The following LRRC4C variants were observed in gnomAD, a reference collection of about 807,000 sequenced individuals.
LRRC4C encodes the protein leucine-rich repeat-containing protein 4C.
LRRC4C carries 5 observed loss-of-function variants against 33.6 expected under a neutral mutation model. The ratio of observed to expected loss-of-function variants is 0.15; its 90% CI spans 0.08 to 0.31. LRRC4C has a LOEUF of 0.31. Among genes scored for constraint, LRRC4C ranks in the 10% least tolerant of loss-of-function variants. LRRC4C has a pLI of 1.00. For synonymous variants in LRRC4C, 329 were observed against 302.0 expected, an observed-to-expected ratio of 1.09 and a Z score of -0.93; for missense variants, 560 against 796.7, an observed-to-expected ratio of 0.70 and a Z score of 3.58.
intron 3 of LRRC4C, among the ~76,000 whole-genome samples, chr11:40,420,011 C>T (rs147787168): frequency 2.3e-4 from 35 of 152,250 alleles, no homozygotes; most frequent in Non-Finnish European, 4.0e-4. Flanking sequence ...AGAAAACCTT[C>T]AAAAGGTGTA....
intron 1 of LRRC4C, among the ~76,000 whole-genome samples, chr11:40,996,594 C>T (rs1392624578): frequency 2.0e-5 from 3 of 152,028 alleles, no homozygotes; most frequent in Non-Finnish European, 4.4e-5. Flanking sequence ...TTTTATGTTG[C>T]TATAAAGAAA....
intron 1 of LRRC4C, among the ~76,000 whole-genome samples, chr11:41,330,846 G>GTA (rs1951272313): frequency 6.6e-6 from 1 of 151,828 alleles, no homozygotes; most frequent in African/African-American, 2.4e-5. Context: ...TATCTTACAA[G>GTA]TATATATATA....
chr11:40,586,865 T>A (rs1162653393), intron 3 of LRRC4C, among the ~76,000 whole-genome samples: 1 of 152,188 alleles, frequency 6.6e-6, no homozygotes, highest in African/African-American at 2.4e-5. Context: ...CCATGCTGTT[T>A]TGGTTACTGT....
intron 1 of LRRC4C, among the ~76,000 whole-genome samples, chr11:41,040,072 A>G (rs977517924): frequency 6.7e-6 from 1 of 148,532 alleles, no homozygotes; most frequent in East Asian, 2.0e-4. Context: ...CAGGAGGCAG[A>G]GCTTGCAGTG....
At chr11:41,207,529 T>A (rs1344275986) in intron 1 of LRRC4C, among the ~76,000 whole-genome samples, 1 of 152,150 alleles carries the variant, frequency 6.6e-6, no homozygotes, top group Non-Finnish European at 1.5e-5. Context: ...TTCAAAGGAC[T>A]AGTGTCTTTA....
In LRRC4C at chr11:41,191,678, G is replaced by A. The variant is rs138814049; in HGVS notation, c.-495-257955C>T. ...AAAGGGCTATTGCATTACAACTCGG[G>A]TGCTTTAGAATGGGTAGTAGATAAG... is the stretch of plus-strand genomic sequence containing the variant. On this transcript the variant is annotated intron_variant, in intron 1 of 6. Coordinates refer to ENST00000528697, the MANE Select transcript of LRRC4C (RefSeq NM_001258419.2). Among the ~76,000 whole-genome samples, 846 of 152,210 alleles carry A rather than the reference G, an allele frequency of 5.6e-3. 7 individuals carry two copies. Among genetic ancestry groups the A allele is most frequent in the Middle Eastern group, 0.027 (8 of 294 alleles).
At chr11:40,175,384 G>A (rs1011155258) in intron 5 of LRRC4C, among the ~76,000 whole-genome samples, 1 of 152,182 alleles carries the variant, frequency 6.6e-6, no homozygotes, top group South Asian at 2.1e-4. Context: ...AACCAGACCG[G>A]CTTGTCTCTG....
intron 1 of LRRC4C, among the ~76,000 whole-genome samples, chr11:40,993,663 T>G (rs572804655): frequency 6.6e-6 from 1 of 152,260 alleles, no homozygotes; most frequent in East Asian, 1.9e-4. Context: ...TCTTTTTTTT[T>G]CCTTTTGACA....
chr11:40,196,320 C>T (rs1862256980), intron 5 of LRRC4C, among the ~76,000 whole-genome samples: 3 of 152,274 alleles, frequency 2.0e-5, no homozygotes, highest in South Asian at 4.1e-4. Flanking sequence ...ATTTATGATC[C>T]AACTGGACAA....
chr11:41,427,333 C>T (rs1590247035), intron 1 of LRRC4C, among the ~76,000 whole-genome samples: 1 of 151,994 alleles, frequency 6.6e-6, no homozygotes, highest in Non-Finnish European at 1.5e-5. Flanking sequence ...CATGGAGATA[C>T]AGTAGTGAAG....
rs35999139 is a variant in LRRC4C at position 41,445,866 on chromosome 11, A to ATGTGTGTGTGTGTGTG, written c.-496+13549_-496+13564dup. Among the ~76,000 whole-genome samples the ATGTGTGTGTGTGTGTG allele has an allele frequency of 5.8e-3, 868 of 149,836 alleles. 14 individuals carry two copies. Among genetic ancestry groups the ATGTGTGTGTGTGTGTG allele is most frequent in the African/African-American group, 0.021 (836 of 40,762 alleles). ...ACAGTGTGTATGAATGAGTGACTGCATGTGTGTGTGTGTGTGTGTGTGTGT... is the reference window on the plus strand; with the variant it reads ...ACAGTGTGTATGAATGAGTGACTGCATGTGTGTGTGTGTGTGTGTGTGTGTGTGTGTGTGTGTGTGT... On this transcript the variant is annotated intron_variant, in intron 1 of 6. Coordinates refer to ENST00000528697, the MANE Select transcript of LRRC4C (RefSeq NM_001258419.2).
chr11:40,115,145 G>C lies in LRRC4C; in HGVS notation c.1148C>G (p.Ser383Cys). ...LKCRASTSLT[S>C]VSWITPNGTV... The stretch of plus-strand genomic sequence containing the variant: ...TCCATTTGGAGTAATCCAAGATACA[G>C]ATGTCAGGGATGTGGAGGCCCGACA... The change falls in exon 7 of 7, where the codon TCT (serine) becomes TGT (cysteine). Residue 383 changes from serine to cysteine, a missense_variant. Transcript: ENST00000528697. The surrounding 1 kb of genome is among the most constrained non-coding windows in gnomAD (Gnocchi z 6.7). 1 of 1,614,216 alleles carries C rather than the reference G, an allele frequency of 6.2e-7. No individual in the cohort carries two copies. Among genetic ancestry groups the C allele is most frequent in the Non-Finnish European group, 8.5e-7 (1 of 1,180,042 alleles).
chr11:40,216,466 A>AT (rs1863986102), intron 5 of LRRC4C, among the ~76,000 whole-genome samples: 1 of 152,080 alleles, frequency 6.6e-6, no homozygotes, highest in East Asian at 1.9e-4. Flanking sequence ...TAGAGTTTTA[A>AT]TTTTTTTGTC....
chr11:41,037,574 T>TCACACACACA (rs56234239), intron 1 of LRRC4C, among the ~76,000 whole-genome samples: 10,950 of 148,780 alleles, frequency 0.074, 441 homozygotes, highest in Non-Finnish European at 0.094. Context: ...TCTTTTCCTT[T>TCACACACACA]CACACACACA....
chr11:40,575,657 T>C (rs910045724), intron 3 of LRRC4C, among the ~76,000 whole-genome samples: 6 of 152,196 alleles, frequency 3.9e-5, no homozygotes, highest in Non-Finnish European at 5.9e-5. Flanking sequence ...GTTCTACTTA[T>C]AAAATGAATA....
At chr11:41,126,687 T>G (rs192187139) in intron 1 of LRRC4C, among the ~76,000 whole-genome samples, 1 of 151,892 alleles carries the variant, frequency 6.6e-6, no homozygotes, top group Non-Finnish European at 1.5e-5. Flanking sequence ...CAAGCAGAAG[T>G]TCGAAAAGTG....
chr11:41,451,260 C>G (rs1265756458), intron 1 of LRRC4C, among the ~76,000 whole-genome samples: 1 of 152,068 alleles, frequency 6.6e-6, no homozygotes, highest in Non-Finnish European at 1.5e-5. Flanking sequence ...CAAAAGTGTT[C>G]TTGACCTAAA....
chr11:40,339,000 A>T (rs948302439), intron 3 of LRRC4C, among the ~76,000 whole-genome samples: 1 of 152,238 alleles, frequency 6.6e-6, no homozygotes. Context: ...CTGTTTCAAG[A>T]TGAGTAACCA....
chr11:40,437,116 G>T (rs184276471), intron 3 of LRRC4C, among the ~76,000 whole-genome samples: 64 of 152,260 alleles, frequency 4.2e-4, no homozygotes, highest in African/African-American at 1.5e-3. Flanking sequence ...AAGCCAGAGC[G>T]AATCATGTTC....
Sources: allele counts gnomAD v4.1 joint callset (sites outside exome capture counted in the v4.1 genomes callset), GRCh38; gene constraint gnomAD v4.1.1; non-coding constraint Gnocchi (gnomAD v3.1); transcripts MANE v1.5; gene names NCBI Gene and HGNC (gene_info 2026-07-23, HGNC 2026-07-21).